The following FARP1 variants were observed in gnomAD, a reference collection of about 807,000 sequenced individuals.
FARP1 encodes the protein FERM, ARHGEF and pleckstrin domain-containing protein 1.
In FARP1, 52 loss-of-function variants were observed where a neutral mutation model predicts 128.8. The observed-to-expected ratio is 0.40, with a 90% CI of 0.32 to 0.51. The LOEUF (loss-of-function observed/expected upper bound fraction) is 0.51. Among genes scored for constraint, FARP1 ranks in the 20% least tolerant of loss-of-function variants. The pLI is 0.45. For missense variants in FARP1, 1,333 were observed against 1,367.9 expected (o/e 0.97, Z 0.40); for synonymous variants, 580 against 551.8 (o/e 1.05, Z -0.72).
chr13:98,396,411 A>C, intron 13 of FARP1: 1 of 399,226 alleles, frequency 2.5e-6, no homozygotes, highest in Non-Finnish European at 4.4e-6. Context: ...CCCTGCTGAG[A>C]AGCCGGGGGT....
intron 16 of FARP1, among the ~76,000 whole-genome samples, chr13:98,420,342 C>A (rs1444511986): frequency 1.3e-5 from 2 of 152,316 alleles, no homozygotes; most frequent in Admixed American, 1.3e-4. Context: ...GGGCAGAATA[C>A]TCACAGTCCA....
Position 98,297,710 on chromosome 13 carries a change from G to GT in FARP1, c.172-46051dup, listed in dbSNP as rs1885759884. On this transcript the variant is annotated intron_variant, in intron 2 of 26. Coordinates refer to ENST00000319562, the MANE Select transcript of FARP1 (RefSeq NM_005766.4). Reference sequence around the variant, plus strand: ...ATGTAAGCAAAATTTGGGTAGATGTGTATGTTTGGGGGAAGGAAGCCCCTC... The same window carrying GT: ...ATGTAAGCAAAATTTGGGTAGATGTGTTATGTTTGGGGGAAGGAAGCCCCTC... Among the ~76,000 whole-genome samples the GT allele has an allele frequency of 3.9e-5, 6 of 152,288 alleles. No homozygotes were observed. In the South Asian group the frequency reaches 1.2e-3, roughly 32 times the overall value.
At chr13:98,183,954 C>T (rs1195764848) in intron 1 of FARP1, among the ~76,000 whole-genome samples, 1 of 152,110 alleles carries the variant, frequency 6.6e-6, no homozygotes. Flanking sequence ...CAGGCCCTTT[C>T]TTCACCCTCA....
In FARP1 at chr13:98,448,798, G is replaced by GATTTA. The variant is rs1566332266; in HGVS notation, c.*485_*486insAATTT. On this transcript the variant is annotated 3_prime_UTR_variant, in exon 27 of 27. Coordinates refer to ENST00000319562, the MANE Select transcript of FARP1 (RefSeq NM_005766.4). ...CCTTAAGCAAATGAGATCATTTTCA[G>GATTTA]ATTTCATTTTTTTTTTCAGTCTTTC... The GATTTA allele has an allele frequency of 3.8e-5, 5 of 130,342 alleles. No homozygotes were observed. Among genetic ancestry groups the GATTTA allele is most frequent in the Non-Finnish European group, 8.9e-5 (5 of 56,300 alleles). 8.1% of individuals were successfully genotyped at this position (130,342 alleles called of 1,614,324 possible). A position where few individuals can be genotyped will look rare whatever the true frequency, so the allele number is the denominator to read the frequency against.
chr13:98,308,033 C>T (rs796172551), intron 2 of FARP1, among the ~76,000 whole-genome samples: 169 of 16,882 alleles, frequency 0.01, 2 homozygotes, highest in African/African-American at 0.024. Context: ...CACTCTCTCT[C>T]TTTTTTTTTT....
intron 5 of FARP1, among the ~76,000 whole-genome samples, chr13:98,372,030 C>T (rs1166804397): frequency 6.6e-6 from 1 of 150,516 alleles, no homozygotes; most frequent in Non-Finnish European, 1.5e-5. Context: ...CTCCTGGGTG[C>T]AGCCTCAAAA....
intron 1 of FARP1, 70 bp from the exon 2 acceptor site, chr13:98,213,150 C>A: frequency 1.5e-6 from 2 of 1,326,536 alleles, no homozygotes; most frequent in Non-Finnish European, 2.1e-6. Flanking sequence ...GGGTGGGGTT[C>A]AAGGTGGCAC....
At chr13:98,173,186 C>T (rs1259930616) in intron 1 of FARP1, among the ~76,000 whole-genome samples, 1 of 152,140 alleles carries the variant, frequency 6.6e-6, no homozygotes, top group African/African-American at 2.4e-5. Flanking sequence ...ACATAGCTCT[C>T]AGCCAGGAAA....
At chr13:98,238,080 G>A (rs1882534038) in intron 2 of FARP1, among the ~76,000 whole-genome samples, 1 of 152,132 alleles carries the variant, frequency 6.6e-6, no homozygotes, top group African/African-American at 2.4e-5. Context: ...GCAAAAGCAT[G>A]GTTTGATAAT....
At chr13:98,384,905 A>G in intron 7 of FARP1, 61 bp downstream of exon 7, 4 of 932,678 alleles carry the variant, frequency 4.3e-6, no homozygotes, top group South Asian at 1.3e-5. Flanking sequence ...TCCAACCTAC[A>G]TGGGTGTACA....
rs1893241545 is a variant in FARP1, at chr13:98,452,384, A to G, written c.*4067A>G. The G allele has an allele frequency of 6.6e-6, 1 of 152,620 alleles. No homozygotes were observed. Among genetic ancestry groups the G allele is most frequent in the African/African-American group, 2.4e-5 (1 of 41,428 alleles). 9.5% of individuals were successfully genotyped at this position (152,620 alleles called of 1,614,324 possible). A position where few individuals can be genotyped will look rare whatever the true frequency, so the allele number is the denominator to read the frequency against. Reference sequence around the variant, plus strand: ...AGCTTCATGAGGCAAGATATGTTCCAATTTAAAACACTAAGAAATAGTACC... The same window carrying G: ...AGCTTCATGAGGCAAGATATGTTCCGATTTAAAACACTAAGAAATAGTACC... On this transcript the variant is annotated 3_prime_UTR_variant, in exon 27 of 27. Transcript: ENST00000319562.
At chr13:98,441,954 C>T (rs773663317) in intron 24 of FARP1, among the ~76,000 whole-genome samples, 2 of 85,764 alleles carry the variant, frequency 2.3e-5, no homozygotes, top group Non-Finnish European at 3.4e-5. Context: ...AAGCATTCTT[C>T]AGTCCAGGCC....
At position 98,448,148 on chromosome 13, in the gene FARP1, C is replaced by T. The variant is rs1594554717; in HGVS notation, c.3057-88C>T. 5 of 1,154,692 alleles carry T rather than the reference C, an allele frequency of 4.3e-6. No homozygotes were observed. The East Asian group carries it at 1.2e-4, about 27-fold the overall frequency. 71.5% of individuals were successfully genotyped at this position (1,154,692 alleles called of 1,614,324 possible). On this transcript the variant is annotated intron_variant, in intron 26 of 26. Coordinates refer to ENST00000319562, the MANE Select transcript of FARP1 (RefSeq NM_005766.4). ...GATTACCAACCAGGCGGCCTGACTT[C>T]ACCTTGTGTTTCTGTAAGCGATGCC...
chr13:98,169,602 G>C (rs1877510000), intron 1 of FARP1, among the ~76,000 whole-genome samples: 1 of 152,150 alleles, frequency 6.6e-6, no homozygotes, highest in Non-Finnish European at 1.5e-5. Flanking sequence ...GGCATGCTTA[G>C]ATTTCCTTGA....
chr13:98,148,213 TACTAAAAATA>T (rs1438557497), intron 1 of FARP1, among the ~76,000 whole-genome samples: 1 of 152,170 alleles, frequency 6.6e-6, no homozygotes, highest in Non-Finnish European at 1.5e-5. Flanking sequence ...ACCCCGTCTC[TACTAAAAATA>T]CAAAATTAGC....
intron 1 of FARP1, among the ~76,000 whole-genome samples, chr13:98,153,791 G>A (rs1876301899): frequency 6.6e-6 from 1 of 151,758 alleles, no homozygotes; most frequent in African/African-American, 2.4e-5. Context: ...TTCAACTCCT[G>A]ACCTTAGGTG....
At chr13:98,196,800 A>G (rs1879592735) in intron 1 of FARP1, among the ~76,000 whole-genome samples, 1 of 152,218 alleles carries the variant, frequency 6.6e-6, no homozygotes, top group African/African-American at 2.4e-5. Flanking sequence ...ACATTGTTTA[A>G]TTAAATGCCT....
intron 1 of FARP1, among the ~76,000 whole-genome samples, chr13:98,144,245 A>G (rs900120782): frequency 4.0e-5 from 6 of 151,520 alleles, no homozygotes; most frequent in African/African-American, 1.5e-4. Flanking sequence ...GAGGGGGGGA[A>G]ATACGAATTC....
rs1387615395 is a variant in FARP1 at position 98,439,097 on chromosome 13, AT to A, written c.2344-8del. On this transcript the variant is annotated splice_polypyrimidine_tract_variant and intron_variant, in intron 20 of 26. Transcript: ENST00000319562. Reference sequence around the variant, plus strand: ...GTGGTCTCACCTCCACACACTTCTGATTCCTCCAGTTCAACGACGTCCTGCT... The same window carrying A: ...GTGGTCTCACCTCCACACACTTCTGATCCTCCAGTTCAACGACGTCCTGCT... The A allele has an allele frequency of 6.2e-7, 1 of 1,611,076 alleles. No homozygotes were observed. Among genetic ancestry groups the A allele is most frequent in the East Asian group, 2.2e-5 (1 of 44,858 alleles).
Sources: gnomAD v4.1 joint callset for allele counts (sites outside exome capture counted in the v4.1 genomes callset) on GRCh38, gnomAD v4.1.1 for gene constraint, MANE v1.5 for transcripts, NCBI Gene and HGNC (gene_info 2026-07-23, HGNC 2026-07-21) for gene names.